Variants in TJP1 observed in about 807,000 individuals in gnomAD.
TJP1 encodes tight junction protein 1.
A neutral mutation model predicts 194.2 loss-of-function variants in TJP1; 43 were observed. That is an observed-to-expected ratio of 0.22 (90% CI 0.17 to 0.29). The LOEUF (loss-of-function observed/expected upper bound fraction) is 0.29, where lower values mean the gene tolerates loss of function less well. Ranked by LOEUF, TJP1 falls within the 10% of genes least tolerant of loss-of-function variation. The probability of loss-of-function intolerance (pLI) is 1.00; values close to 1 mark genes in which losing one functional copy is unlikely to be tolerated. For synonymous variants in TJP1, 801 were observed against 779.0 expected, an observed-to-expected ratio of 1.03 and a Z score of -0.47; for missense variants, 1,971 against 2,185.7, an observed-to-expected ratio of 0.90 and a Z score of 1.96.
chr15:29,707,345 G>A (rs558107428), intron 25 of TJP1, among the ~76,000 whole-genome samples: 12 of 152,242 alleles, frequency 7.9e-5, no homozygotes, highest in Admixed American at 3.3e-4. Context: ...GGTAGCTGCC[G>A]TTTCACTCCA....
chr15:29,812,257 G>A (rs1016701412), intron 1 of TJP1, among the ~76,000 whole-genome samples: 3 of 152,142 alleles, frequency 2.0e-5, no homozygotes, highest in Non-Finnish European at 4.4e-5. Context: ...GGTGAATGGT[G>A]TTTACACGGG....
rs2050446325 is a variant in TJP1, at chr15:29,822,271, C to A, written c.-243G>T. The A allele has an allele frequency of 8.7e-7, 1 of 1,154,958 alleles. No homozygotes were observed. Among genetic ancestry groups the A allele is most frequent in the Non-Finnish European group, 1.1e-6 (1 of 938,262 alleles). The allele number at this position is 1,154,958 out of a possible 1,614,324, so 71.5% of individuals were successfully genotyped here. ...CCCGACCGGCACCTCCCTCCGAGCG[C>A]GGCCACCCACTCGGCCTCCCGCAGC... On this transcript the variant is annotated 5_prime_UTR_variant, in exon 1 of 28. Coordinates refer to ENST00000614355, the MANE Select transcript of TJP1 (RefSeq NM_001330239.4).
At chr15:29,702,077 T>G (rs2041582173) in intron 27 of TJP1, among the ~76,000 whole-genome samples, 1 of 151,760 alleles carries the variant, frequency 6.6e-6, no homozygotes, top group Non-Finnish European at 1.5e-5. Context: ...AGAGCCCACA[T>G]AATTATCAGT....
chr15:29,929,149 T>C (rs1567205201), intron 2 of TJP1, among the ~76,000 whole-genome samples: 2 of 151,994 alleles, frequency 1.3e-5, no homozygotes, highest in Admixed American at 1.3e-4. Context: ...ATCATACAAT[T>C]TACATTATTT....
intron 4 of TJP1, among the ~76,000 whole-genome samples, chr15:29,768,528 G>A (rs1299960802): frequency 2.6e-5 from 4 of 152,092 alleles, no homozygotes; most frequent in Admixed American, 6.5e-5. Context: ...GTAAGAGTGC[G>A]CCACCTCTTT....
rs774825521 is a variant in TJP1, at chr15:29,718,979, C to T, written c.3163G>A (p.Glu1055Lys). 6.2e-6 allele frequency: 10 copies of T among 1,613,992 alleles called. No homozygotes were observed. The highest frequency in any genetic ancestry group is 4.5e-5 in the East Asian group (2 of 44,884). Residue 1055 changes from glutamate to lysine, a missense_variant, in exon 21 of 28, where the codon GAG becomes AAG. Physicochemically the swap from Glu to Lys is moderately conservative, Grantham distance 56. Transcript: ENST00000614355. ...YVEKQASRDL[E>K]QPTYRYESSS... is the part of the protein sequence containing the mutation. ...GACTCGTATCTGTATGTGGGCTGCT[C>T]GAGGTCTCTGCTGGCTTGTTTCTCT...
chr15:29,816,420 T>A (rs2049928090), intron 1 of TJP1, among the ~76,000 whole-genome samples: 1 of 152,148 alleles, frequency 6.6e-6, no homozygotes, highest in African/African-American at 2.4e-5. Flanking sequence ...TATGAAGCTG[T>A]CCTGAAACAA....
At chr15:29,949,089 TCAC>T (rs1334091414) in intron 2 of TJP1, among the ~76,000 whole-genome samples, 1 of 98,820 alleles carries the variant, frequency 1.0e-5, no homozygotes, top group East Asian at 3.6e-4. Flanking sequence ...ACCTACTCCT[TCAC>T]CACCACCTCC....
chr15:29,867,784 A>G (rs944133781), intron 2 of TJP1, among the ~76,000 whole-genome samples: 2 of 152,014 alleles, frequency 1.3e-5, no homozygotes, highest in African/African-American at 4.8e-5. Flanking sequence ...GGCTGGACGC[A>G]GTGGTTCATG....
At chr15:29,948,769 T>A (rs1044599778) in intron 2 of TJP1, among the ~76,000 whole-genome samples, 1 of 152,044 alleles carries the variant, frequency 6.6e-6, no homozygotes, top group African/African-American at 2.4e-5. Flanking sequence ...TAACTTAATA[T>A]CTTTATTATT....
intron 2 of TJP1, among the ~76,000 whole-genome samples, chr15:29,864,237 CAAAAA>C (rs397975539): frequency 0.035 from 658 of 18,878 alleles, 2 homozygotes; most frequent in African/African-American, 0.093. Context: ...ACTAAAAATA[CAAAAA>C]AAAAAAAAAA....
At chr15:29,829,446 C>T (rs544635846) in intron 2 of TJP1, among the ~76,000 whole-genome samples, 1 of 152,098 alleles carries the variant, frequency 6.6e-6, no homozygotes, top group East Asian at 1.9e-4. Context: ...ATAGAGGGTC[C>T]ACGTGGAGTT....
At chr15:29,846,144 T>A (rs1159595524) in intron 2 of TJP1, among the ~76,000 whole-genome samples, 1 of 152,214 alleles carries the variant, frequency 6.6e-6, no homozygotes, top group African/African-American at 2.4e-5. Context: ...TGCACTCAAC[T>A]GATCTTTAAG....
chr15:29,886,849 G>A (rs952977796), intron 2 of TJP1, among the ~76,000 whole-genome samples: 6 of 151,766 alleles, frequency 4.0e-5, no homozygotes, highest in Middle Eastern at 6.8e-3. Context: ...ACTAAAACCT[G>A]TTAGATAAAC....
chr15:29,773,490 G>C (rs2046821618), intron 2 of TJP1, 133 bp from the exon 3 acceptor site: 9 of 781,084 alleles, frequency 1.2e-5, no homozygotes, highest in South Asian at 1.2e-4. Flanking sequence ...ACACTCACCT[G>C]CATGGTTACC....
chr15:29,732,735 C>A lies in TJP1; in HGVS notation c.1817G>T (p.Gly606Val). 1 of 1,614,166 alleles carries A rather than the reference C, an allele frequency of 6.2e-7. No homozygotes were observed. The highest frequency in any genetic ancestry group is 8.5e-7 in the Non-Finnish European group (1 of 1,180,034). Residue 606 changes from glycine (G) to valine (V), a missense_variant, in exon 14 of 28, where the codon GGT becomes GTT. Coordinates refer to ENST00000614355, the MANE Select transcript of TJP1 (RefSeq NM_001330239.4). ...AAGATTTCTCTTGGAGCTGCGAAGA[C>A]CTCTGAATCTCCAGAAGTCAGCACG... ...GDRADFWRFR[G>V]LRSSKRNLRK...
At position 29,903,739 on chromosome 15, in the gene TJP1, C is replaced by T. The variant is rs781604660; in HGVS notation, c.306+52493G>A. ...GATTACAGGCGTGAGCTACCACGCC[C>T]GGCCCAAGTTGCAGAATCTTAACAA... On this transcript the variant is annotated intron_variant, in intron 2 of 28. Coordinates refer to the TJP1 transcript ENST00000356107. Among the ~76,000 whole-genome samples, 132 of 152,150 alleles carry T rather than the reference C, an allele frequency of 8.7e-4. 2 individuals are homozygous for T. The highest frequency in any genetic ancestry group is 2.6e-4 in the Admixed American group (4 of 15,282).
intron 2 of TJP1, among the ~76,000 whole-genome samples, chr15:29,924,324 G>T (rs2054458501): frequency 1.3e-5 from 2 of 152,080 alleles, no homozygotes; most frequent in Non-Finnish European, 2.9e-5. Flanking sequence ...GCCCATCTCG[G>T]CCTCCCAACA....
chr15:29,881,468 G>C (rs978054136), intron 2 of TJP1, among the ~76,000 whole-genome samples: 1 of 152,196 alleles, frequency 6.6e-6, no homozygotes, highest in Non-Finnish European at 1.5e-5. Context: ...CATTGTGGTA[G>C]TAAGGAGGTG....
Sources: allele counts gnomAD v4.1 joint callset (sites outside exome capture counted in the v4.1 genomes callset), GRCh38; gene constraint gnomAD v4.1.1; transcripts MANE v1.5; gene names NCBI Gene and HGNC (gene_info 2026-07-23, HGNC 2026-07-21).